AHI1: variants seen among roughly 807,000 people sequenced by gnomAD.
AHI1 encodes the protein Abelson helper integration site 1.
AHI1 carries 123 observed loss-of-function variants against 149.3 expected under a neutral mutation model. The observed-to-expected ratio is 0.82, with a 90% CI of 0.71 to 0.96. The LOEUF (loss-of-function observed/expected upper bound fraction) is 0.96. Ranked by LOEUF, AHI1 falls within the 40% of genes least tolerant of loss-of-function variation. AHI1 has a pLI of 0.00. For missense variants in AHI1, 1,439 were observed against 1,422.7 expected (o/e 1.01, Z -0.18); for synonymous variants, 475 against 459.8 (o/e 1.03, Z -0.42).
intron 7 of AHI1, among the ~76,000 whole-genome samples, chr6:135,464,139 A>G (rs961160093): frequency 2.6e-5 from 4 of 152,172 alleles, no homozygotes; most frequent in African/African-American, 7.2e-5. Flanking sequence ...AAAAATCTGC[A>G]TGTAAATAAT....
At chr6:135,360,095 C>T (rs986996677) in intron 23 of AHI1, among the ~76,000 whole-genome samples, 9 of 151,894 alleles carry the variant, frequency 5.9e-5, no homozygotes, top group African/African-American at 2.2e-4. Flanking sequence ...AAGGAATAAA[C>T]TTTAGAAAAA....
intron 24 of AHI1, among the ~76,000 whole-genome samples, chr6:135,348,278 A>G (rs1438576495): frequency 3.3e-5 from 5 of 152,148 alleles, no homozygotes; most frequent in Non-Finnish European, 7.4e-5. Flanking sequence ...TTTCTCCCCA[A>G]ATGGAAAGTA....
chr6:135,448,609 A>G, intron 11 of AHI1, 134 bp from the exon 12 acceptor site: 1 of 690,288 alleles, frequency 1.4e-6, no homozygotes, highest in Admixed American at 3.3e-5. Context: ...TAAAAAGCAA[A>G]GAACATTAAA....
chr6:135,356,397 C>T (rs563412219), intron 24 of AHI1, among the ~76,000 whole-genome samples: 12 of 152,240 alleles, frequency 7.9e-5, no homozygotes, highest in Middle Eastern at 3.4e-3. Flanking sequence ...GAAAATCAGA[C>T]TTTACTTGTC....
intron 26 of AHI1, among the ~76,000 whole-genome samples, chr6:135,317,678 C>T (rs1360758380): frequency 6.6e-6 from 1 of 152,120 alleles, no homozygotes; most frequent in East Asian, 1.9e-4. Context: ...TCCTGAAACT[C>T]CTGTTTCAGT....
At chr6:135,364,176 A>G (rs376244660) in intron 23 of AHI1, among the ~76,000 whole-genome samples, 4 of 145,734 alleles carry the variant, frequency 2.7e-5, no homozygotes, top group Non-Finnish European at 4.5e-5. Flanking sequence ...CTTCTCAGAC[A>G]GGGCGGTTGC....
rs1182693950 is a variant in AHI1 at position 135,284,348 on chromosome 6, A to G, written c.*1297T>C. 6.6e-6 allele frequency: 1 copy of G among 152,188 alleles called. No homozygotes were observed. The highest frequency in any genetic ancestry group is 2.4e-5 in the African/African-American group (1 of 41,440). The allele number at this position is 152,188 out of a possible 1,614,324, so 9.4% of individuals were successfully genotyped here. A position where few individuals can be genotyped will look rare whatever the true frequency, so the allele number is the denominator to read the frequency against. Reference sequence around the variant, plus strand: ...ACATCTGGGCAAAATTTACACCTCAATGCCCAACATTGTTTTTCTCACTTC... The same window carrying G: ...ACATCTGGGCAAAATTTACACCTCAGTGCCCAACATTGTTTTTCTCACTTC... On this transcript the variant is annotated 3_prime_UTR_variant, in exon 29 of 29. Transcript: ENST00000265602.
intron 26 of AHI1, chr6:135,306,806 T>C (rs1233806379): frequency 6.6e-6 from 1 of 152,200 alleles, no homozygotes; most frequent in East Asian, 1.9e-4. Context: ...GGCATCATAT[T>C]GCTAAATAAT....
intron 24 of AHI1, among the ~76,000 whole-genome samples, chr6:135,326,166 C>T (rs1787650732): frequency 6.6e-6 from 1 of 152,148 alleles, no homozygotes; most frequent in Non-Finnish European, 1.5e-5. Flanking sequence ...TTGTGTCACT[C>T]AAAATTCATA....
intron 5 of AHI1, among the ~76,000 whole-genome samples, chr6:135,471,803 G>C (rs1162312968): frequency 6.6e-6 from 1 of 151,718 alleles, no homozygotes. Flanking sequence ...ATGAGGTCAG[G>C]AGATCGAGAC....
At chr6:135,363,200 CCG>C (rs1468755666) in intron 23 of AHI1, among the ~76,000 whole-genome samples, 2 of 150,898 alleles carry the variant, frequency 1.3e-5, no homozygotes, top group African/African-American at 4.8e-5. Flanking sequence ...CTGCGGCCTT[CCG>C]CAGTGTTTGT....
At chr6:135,288,839 C>CA (rs1781994956) in intron 28 of AHI1, among the ~76,000 whole-genome samples, 2 of 150,050 alleles carry the variant, frequency 1.3e-5, no homozygotes. Flanking sequence ...GAAAACAAAA[C>CA]AAAACAAAAA....
At chr6:135,300,188 G>A (rs1309420586) in intron 27 of AHI1, among the ~76,000 whole-genome samples, 2 of 151,914 alleles carry the variant, frequency 1.3e-5, no homozygotes, top group Admixed American at 6.6e-5. Context: ...AGCTGGGTGC[G>A]GAGGTGCGTG....
rs371611025 is a variant in AHI1, at chr6:135,352,016, T to C, written c.3165+6116A>G. The stretch of plus-strand genomic sequence containing the variant: ...TTTGAGTCCCTTTCATCAGCTCTCA[T>C]CTCCAAGTCTTTTTATAAGCATACC... On this transcript the variant is annotated intron_variant, in intron 24 of 28. Coordinates refer to ENST00000265602, the MANE Select transcript of AHI1 (RefSeq NM_001134831.2). Among the ~76,000 whole-genome samples the C allele has an allele frequency of 7.9e-5, 12 of 152,274 alleles. 1 individual carries two copies. Among genetic ancestry groups the C allele is most frequent in the East Asian group, 1.9e-4 (1 of 5,182 alleles).
intron 20 of AHI1, among the ~76,000 whole-genome samples, chr6:135,423,565 A>C (rs1416379466): frequency 2.0e-5 from 3 of 152,306 alleles, no homozygotes; most frequent in Middle Eastern, 3.4e-3. Context: ...AAATCATGTC[A>C]GTAGTAGAAA....
At chr6:135,469,033 A>T (rs1394662567) in intron 5 of AHI1, among the ~76,000 whole-genome samples, 2 of 152,058 alleles carry the variant, frequency 1.3e-5, no homozygotes, top group Non-Finnish European at 2.9e-5. Context: ...GGATACCAAA[A>T]CCTGGCAGAG....
At chr6:135,496,383 G>A (rs1445629193) in intron 2 of AHI1, among the ~76,000 whole-genome samples, 4 of 152,190 alleles carry the variant, frequency 2.6e-5, no homozygotes, top group Non-Finnish European at 4.4e-5. Context: ...CTCCCAAAGT[G>A]CTAGGATTAC....
intron 9 of AHI1, among the ~76,000 whole-genome samples, chr6:135,457,198 C>G (rs903500787): frequency 6.6e-6 from 1 of 152,124 alleles, no homozygotes; most frequent in Admixed American, 6.5e-5. Context: ...GCAGTAGAAT[C>G]GCTTGAACCC....
intron 26 of AHI1, among the ~76,000 whole-genome samples, chr6:135,313,339 A>C (rs928522149): frequency 2.0e-5 from 3 of 152,208 alleles, no homozygotes; most frequent in Non-Finnish European, 4.4e-5. Flanking sequence ...TCTTCAACAA[A>C]AGAAATCCAC....
Sources: gnomAD v4.1 joint callset for allele counts (sites outside exome capture counted in the v4.1 genomes callset) on GRCh38, gnomAD v4.1.1 for gene constraint, MANE v1.5 for transcripts, NCBI Gene and HGNC (gene_info 2026-07-23, HGNC 2026-07-21) for gene names.